Variants in EPHB2 observed in about 807,000 individuals in gnomAD.
EPHB2 encodes ephrin type-B receptor 2.
A neutral mutation model predicts 96.4 loss-of-function variants in EPHB2; 18 were observed. That is an observed-to-expected ratio of 0.19 (90% CI 0.13 to 0.28). The LOEUF (loss-of-function observed/expected upper bound fraction) is 0.28, where lower values mean the gene tolerates loss of function less well. Ranked by LOEUF, EPHB2 falls within the 10% of genes least tolerant of loss-of-function variation. The pLI, the probability that EPHB2 is intolerant of heterozygous loss-of-function variation, is 1.00. For synonymous variants in EPHB2, 506 were observed against 534.1 expected (o/e 0.95, Z 0.72); for missense variants, 989 against 1,355.4 (o/e 0.73, Z 4.25).
chr1:22,784,398 G>C lies in EPHB2; in HGVS notation c.133G>C (p.Glu45Gln). The C allele has an allele frequency of 6.2e-7, 1 of 1,614,184 alleles. No individual in the cohort carries two copies. Among genetic ancestry groups the C allele is most frequent in the Middle Eastern group, 1.7e-4 (1 of 6,050 alleles). Reference sequence around the variant, plus strand: ...ACGAGCATTTTACCCACAGTGGGAAGAGGTGAGTGGCTACGATGAGAACAT... The same window carrying C: ...ACGAGCATTTTACCCACAGTGGGAACAGGTGAGTGGCTACGATGAGAACAT... ...WMVHPPSGWE[E>Q]VSGYDENMNT... Residue 45 changes from glutamate to glutamine, a missense_variant, in exon 3 of 16, where the codon GAG becomes CAG. Glu to Gln is a conservative substitution (Grantham distance 29, BLOSUM62 2). Coordinates refer to ENST00000374630, the MANE Select transcript of EPHB2 (RefSeq NM_017449.5). The surrounding 1 kb of genome is among the most constrained non-coding windows in gnomAD (Gnocchi z 5.1).
Position 22,895,456 on chromosome 1 carries a change from C to T in EPHB2, c.1592-16C>T. The T allele has an allele frequency of 6.2e-7, 1 of 1,612,322 alleles. No individual in the cohort carries two copies. The highest frequency in any genetic ancestry group is 1.1e-5 in the South Asian group (1 of 91,042). On this transcript the variant is annotated splice_polypyrimidine_tract_variant and intron_variant, in intron 7 of 15. Coordinates refer to ENST00000374630, the MANE Select transcript of EPHB2 (RefSeq NM_017449.5). ...CACAGCCAGGCTGAGAATGCCCTACCATGCTTTCTCCCCAGCCGAGTACCA... is the reference window on the plus strand; with the variant it reads ...CACAGCCAGGCTGAGAATGCCCTACTATGCTTTCTCCCCAGCCGAGTACCA...
chr1:22,802,310 A>G (rs1458814439), intron 3 of EPHB2, among the ~76,000 whole-genome samples: 3 of 151,998 alleles, frequency 2.0e-5, no homozygotes, highest in Admixed American at 1.3e-4. Context: ...GGGCACCAGA[A>G]GGATTTCCAC....
At chr1:22,816,871 G>T (rs961317368) in intron 3 of EPHB2, among the ~76,000 whole-genome samples, 6 of 152,198 alleles carry the variant, frequency 3.9e-5, no homozygotes, top group African/African-American at 1.4e-4. Context: ...CTCAGTCCAG[G>T]TCTCCTGGCC....
At chr1:22,722,903 G>A (rs1643498162) in intron 1 of EPHB2, among the ~76,000 whole-genome samples, 1 of 152,204 alleles carries the variant, frequency 6.6e-6, no homozygotes, top group Non-Finnish European at 1.5e-5. Flanking sequence ...TGAAGAAGCA[G>A]CAAGGCAGCC....
intron 1 of EPHB2, among the ~76,000 whole-genome samples, chr1:22,751,367 G>A (rs755397525): frequency 3.3e-5 from 5 of 152,188 alleles, no homozygotes; most frequent in South Asian, 4.1e-4. Flanking sequence ...GAAGTGTCCC[G>A]GTGCTGTAAC....
rs1235515916 is a variant in EPHB2 at position 22,756,491 on chromosome 1, C to T, written c.62-24930C>T. 4.6e-5 allele frequency among the ~76,000 whole-genome samples: 7 copies of T among 152,242 alleles called. No individual in the cohort carries two copies. The South Asian group carries it at 6.2e-4, about 14-fold the overall frequency. On this transcript the variant is annotated intron_variant, in intron 1 of 15. Coordinates refer to ENST00000374630, the MANE Select transcript of EPHB2 (RefSeq NM_017449.5). ...CTGGGCCCCAGTCCTTCCCTTCGCC[C>T]GTGGGCGGCTTTATCTGGGAGTCTC...
At chr1:22,813,662 A>C (rs1235208688) in intron 3 of EPHB2, among the ~76,000 whole-genome samples, 2 of 152,244 alleles carry the variant, frequency 1.3e-5, no homozygotes, top group Admixed American at 1.3e-4. Flanking sequence ...ATGAAGCATC[A>C]CTGTCCACCA....
At chr1:22,730,487 A>G (rs1014681504) in intron 1 of EPHB2, among the ~76,000 whole-genome samples, 2 of 152,222 alleles carry the variant, frequency 1.3e-5, no homozygotes, top group Admixed American at 6.5e-5. Flanking sequence ...CTGATGCCAG[A>G]TATCTAGTGA....
At chr1:22,804,303 CCAAT>C (rs34633057) in intron 3 of EPHB2, among the ~76,000 whole-genome samples, 5 of 151,700 alleles carry the variant, frequency 3.3e-5, no homozygotes, top group Admixed American at 1.3e-4. Flanking sequence ...ATGGAGAAAA[CCAAT>C]CAATCAATCA....
chr1:22,862,891 A>C (rs1638315815), intron 3 of EPHB2, 146 bp from the exon 4 acceptor site: 2 of 1,123,400 alleles, frequency 1.8e-6, no homozygotes, highest in Admixed American at 3.6e-5. Context: ...GGAGACTTCA[A>C]ACCCTTCAAG....
At chr1:22,912,311 T>TA (rs2124142541) in intron 14 of EPHB2, 133 bp from the exon 15 acceptor site, 1 of 1,290,402 alleles carries the variant, frequency 7.7e-7, no homozygotes, top group South Asian at 1.3e-5. Context: ...CTCACGTACA[T>TA]ACCCCTTCAC....
intron 6 of EPHB2, among the ~76,000 whole-genome samples, chr1:22,885,963 C>T (rs762963915): frequency 6.6e-6 from 1 of 152,144 alleles, no homozygotes; most frequent in Non-Finnish European, 1.5e-5. Flanking sequence ...GGGTCAGGCA[C>T]TAAGCTGGGT....
At chr1:22,903,322 TGTC>T (rs2124082610) in intron 9 of EPHB2, among the ~76,000 whole-genome samples, 1 of 152,292 alleles carries the variant, frequency 6.6e-6, no homozygotes, top group East Asian at 1.9e-4. Context: ...GAAAGCCAGT[TGTC>T]AAGAACCACA....
At chr1:22,722,698 G>A (rs985075376) in intron 1 of EPHB2, among the ~76,000 whole-genome samples, 3 of 152,222 alleles carry the variant, frequency 2.0e-5, no homozygotes, top group African/African-American at 7.2e-5. Context: ...GGGAGGTAGA[G>A]TTGGCAGAAT....
At chr1:22,737,649 G>A (rs904185672) in intron 1 of EPHB2, among the ~76,000 whole-genome samples, 2 of 152,122 alleles carry the variant, frequency 1.3e-5, no homozygotes, top group African/African-American at 2.4e-5. Context: ...TAACACCAAG[G>A]TATGGCTAAT....
chr1:22,711,333 C>T (rs1261350621), intron 1 of EPHB2, among the ~76,000 whole-genome samples: 5 of 147,692 alleles, frequency 3.4e-5, no homozygotes, highest in African/African-American at 1.2e-4. Flanking sequence ...GCTGCCCACG[C>T]GCGCTCGCCG....
At chr1:22,735,449 AAAGAAG>A (rs917572660) in intron 1 of EPHB2, among the ~76,000 whole-genome samples, 5 of 151,558 alleles carry the variant, frequency 3.3e-5, no homozygotes, top group Admixed American at 6.6e-5. Flanking sequence ...AAAAAAAAAA[AAAGAAG>A]AAGAAGAAGA....
intron 1 of EPHB2, among the ~76,000 whole-genome samples, chr1:22,767,341 T>C (rs1003390840): frequency 2.6e-5 from 4 of 152,194 alleles, no homozygotes; most frequent in African/African-American, 9.7e-5. Flanking sequence ...CCTGAGACTT[T>C]CAACTCCCAA....
At position 22,784,378 on chromosome 1, in the gene EPHB2, C is replaced by A; in HGVS notation, c.127-14C>A. On this transcript the variant is annotated splice_polypyrimidine_tract_variant and intron_variant, in intron 2 of 15. Coordinates refer to ENST00000374630, the MANE Select transcript of EPHB2 (RefSeq NM_017449.5). This position sits in a 1 kb window ranked among gnomAD's most constrained non-coding sequence, Gnocchi z 5.1. ...AGCCCTTACCTCCCCACCTGACGAG[C>A]ATTTTACCCACAGTGGGAAGAGGTG... 1 of 1,613,766 alleles carries A rather than the reference C, an allele frequency of 6.2e-7. No homozygotes were observed. The highest frequency in any genetic ancestry group is 8.5e-7 in the Non-Finnish European group (1 of 1,179,792).
Sources: allele counts gnomAD v4.1 joint callset (sites outside exome capture counted in the v4.1 genomes callset), GRCh38; gene constraint gnomAD v4.1.1; non-coding constraint Gnocchi (gnomAD v3.1); transcripts MANE v1.5; gene names NCBI Gene and HGNC (gene_info 2026-07-23, HGNC 2026-07-21).